FBXW2: variants seen among roughly 807,000 people sequenced by gnomAD.
The protein encoded by FBXW2 is F-box/WD repeat-containing protein 2.
In FBXW2, 12 loss-of-function variants were observed where a neutral mutation model predicts 46.0. That is an observed-to-expected ratio of 0.26 (90% CI 0.17 to 0.42). FBXW2 has a LOEUF of 0.42. Ranked by LOEUF, FBXW2 falls within the 10% of genes least tolerant of loss-of-function variation. The pLI is 1.00. For synonymous variants in FBXW2, 203 were observed against 209.6 expected (o/e 0.97, Z 0.27); for missense variants, 360 against 537.0 (o/e 0.67, Z 3.26).
chr9:120,776,308 C>T, intron 4 of FBXW2, 82 bp from the exon 5 acceptor site: 3 of 1,464,016 alleles, frequency 2.0e-6, no homozygotes, highest in South Asian at 1.3e-5. Context: ...GTTTATTTTC[C>T]CCAATTATAT....
intron 7 of FBXW2, among the ~76,000 whole-genome samples, chr9:120,768,829 CATAAA>C (rs1342866843): frequency 3.3e-5 from 5 of 150,820 alleles, no homozygotes; most frequent in African/African-American, 9.8e-5. Context: ...CTCAAAAAAA[CATAAA>C]ATAAAAACGA....
chr9:120,763,680 T>TA lies in FBXW2; in HGVS notation c.*878dup, dbSNP rs2044228095. Reference sequence around the variant, plus strand: ...CAGACAAAAATACATGATCAACTTTTACACATTTCAGTAGGTGAAGGACCA... The same window carrying TA: ...CAGACAAAAATACATGATCAACTTTTAACACATTTCAGTAGGTGAAGGACCA... On this transcript the variant is annotated 3_prime_UTR_variant, in exon 8 of 8. Coordinates refer to ENST00000608872, the MANE Select transcript of FBXW2 (RefSeq NM_012164.4). 2 of 152,358 alleles carry TA rather than the reference T, an allele frequency of 1.3e-5. No homozygotes were observed. The highest frequency in any genetic ancestry group is 4.1e-4 in the South Asian group (2 of 4,832). The allele number at this position is 152,358 out of a possible 1,614,324, so 9.4% of individuals were successfully genotyped here.
At chr9:120,776,415 C>T (rs958889014) in intron 4 of FBXW2, 189 bp from the exon 5 acceptor site, 15 of 618,768 alleles carry the variant, frequency 2.4e-5, no homozygotes, top group African/African-American at 3.8e-5. Context: ...GCTTATTATT[C>T]TAAGGTGGAA....
Position 120,758,080 on chromosome 9 carries a change from A to G in FBXW2, c.*6479T>C, listed in dbSNP as rs1309400051. ...AACCAGGTATTCACTTGTATTTTGG[A>G]AAAAACTGAGAATCAAGGATGAAAG... On this transcript the variant is annotated 3_prime_UTR_variant, in exon 8 of 8. Transcript: ENST00000608872. The G allele has an allele frequency of 6.6e-6, 1 of 152,204 alleles. No homozygotes were observed. Among genetic ancestry groups the G allele is most frequent in the Non-Finnish European group, 1.5e-5 (1 of 68,042 alleles). 9.4% of individuals were successfully genotyped at this position (152,204 alleles called of 1,614,324 possible).
chr9:120,787,618 G>A (rs900419153), intron 3 of FBXW2, 151 bp downstream of exon 3: 1 of 664,400 alleles, frequency 1.5e-6, no homozygotes, highest in South Asian at 2.4e-5. Flanking sequence ...AAGAGGATAA[G>A]GGGGGGGAAC....
At chr9:120,767,047 G>A (rs1344144454) in intron 7 of FBXW2, among the ~76,000 whole-genome samples, 1 of 152,200 alleles carries the variant, frequency 6.6e-6, no homozygotes, top group Non-Finnish European at 1.5e-5. Context: ...CAAGGAGTGA[G>A]CAAATCTTTC....
chr9:120,771,354 A>G lies in FBXW2; in HGVS notation c.1070T>C (p.Ile357Thr). 2 of 1,609,302 alleles carry G rather than the reference A, an allele frequency of 1.2e-6. No homozygotes were observed. Among genetic ancestry groups the G allele is most frequent in the Non-Finnish European group, 1.7e-6 (2 of 1,178,332 alleles). The change falls in exon 7 of 8, where the codon ATT becomes ACT. Residue 357 changes from isoleucine (I) to threonine (T), a missense_variant. Physicochemically the swap from Ile to Thr is moderately conservative, Grantham distance 89 (BLOSUM62 -1). Transcript: ENST00000608872. ...LYQWDFASYD[I>T]LRVIKTPEIA... is the part of the protein sequence containing the mutation. ...AGGTCGAAGGAAACATTACCTGAGA[A>G]TATCATAACTGGCAAAGTCCCACTG...
rs2044235723 is a variant in FBXW2 at position 120,764,265 on chromosome 9, TACTCC to T, written c.*289_*293del. ...TTTAACTTTCTTTACTTAAAACCAA[TACTCC>T]ACTCAAGAAAGATGAACCCAAAATG... On this transcript the variant is annotated 3_prime_UTR_variant, in exon 8 of 8. Transcript: ENST00000608872. 2.4e-6 allele frequency: 1 copy of T among 416,638 alleles called. No individual in the cohort carries two copies. The highest frequency in any genetic ancestry group is 4.2e-6 in the Non-Finnish European group (1 of 236,156). 25.8% of individuals were successfully genotyped at this position (416,638 alleles called of 1,614,324 possible).
At position 120,764,719 on chromosome 9, in the gene FBXW2, G is replaced by A; in HGVS notation, c.1205C>T (p.Pro402Leu). ...CTTTGATTTCCTGTACTCTGGCAGAGGCCAGCGACTAATCAGGCTCTCTGT... is the reference window on the plus strand; with the variant it reads ...CTTTGATTTCCTGTACTCTGGCAGAAGCCAGCGACTAATCAGGCTCTCTGT... ...LRTESLISRWPLPEYRKSKRG... is the reference protein window; with the variant it reads ...LRTESLISRWLLPEYRKSKRG... Residue 402 changes from proline to leucine, a missense_variant, in exon 8 of 8, where the codon CCT becomes CTT. By Grantham distance (98) the Pro-to-Leu change is moderately conservative. Transcript: ENST00000608872. 6.2e-7 allele frequency: 1 copy of A among 1,614,224 alleles called. No homozygotes were observed.
At chr9:120,765,104 T>C (rs1262465206) in intron 7 of FBXW2, among the ~76,000 whole-genome samples, 1 of 151,822 alleles carries the variant, frequency 6.6e-6, no homozygotes, top group Non-Finnish European at 1.5e-5. Flanking sequence ...AGTTTTTTTT[T>C]TTTTTTTTGA....
chr9:120,789,232 C>A, intron 2 of FBXW2, among the ~76,000 whole-genome samples: 1 of 152,204 alleles, frequency 6.6e-6, no homozygotes, highest in East Asian at 1.9e-4. Context: ...GATCAGGTAC[C>A]AAGCTCTCTC....
At chr9:120,769,998 T>G (rs1275262357) in intron 7 of FBXW2, among the ~76,000 whole-genome samples, 2 of 151,522 alleles carry the variant, frequency 1.3e-5, no homozygotes, top group Non-Finnish European at 2.9e-5. Context: ...GTTGTAACTT[T>G]GTGATCAGAG....
intron 2 of FBXW2, chr9:120,792,853 T>C: frequency 6.8e-7 from 1 of 1,462,682 alleles, no homozygotes; most frequent in Non-Finnish European, 9.1e-7. Flanking sequence ...ATTGTTATCT[T>C]TGCTTTACTT....
chr9:120,782,211 G>A (rs2131351140), intron 3 of FBXW2, among the ~76,000 whole-genome samples: 1 of 152,120 alleles, frequency 6.6e-6, no homozygotes, highest in South Asian at 2.1e-4. Flanking sequence ...GCTCATGCCT[G>A]TAATCCCAGA....
At position 120,787,759 on chromosome 9, in the gene FBXW2, C is replaced by T. The variant is rs111359549; in HGVS notation, c.490+10G>A. 26 of 1,589,746 alleles carry T rather than the reference C, an allele frequency of 1.6e-5. No individual in the cohort carries two copies. The African/African-American group carries it at 2.6e-4, about 16-fold the overall frequency. ...AACAAAACCCAAAAAGCAGTTTCAA[C>T]ATCTCTTACCTGTACAGAGAAGTCC... is the stretch of plus-strand genomic sequence containing the variant. On this transcript the variant is annotated intron_variant, in intron 3 of 7. Coordinates refer to ENST00000608872, the MANE Select transcript of FBXW2 (RefSeq NM_012164.4).
chr9:120,785,181 T>C (rs1266037954), intron 3 of FBXW2, among the ~76,000 whole-genome samples: 2 of 151,964 alleles, frequency 1.3e-5, no homozygotes, highest in African/African-American at 4.8e-5. Context: ...GCTGTTTTTT[T>C]ATTTTTTTGT....
At position 120,761,091 on chromosome 9, in the gene FBXW2, T is replaced by C. The variant is rs2044190578; in HGVS notation, c.*3468A>G. ...CAGAACTTCTTCCAAGTCCAGTCCTTCCACTGGAGGGGCTTTCTTCCTATT... is the reference window on the plus strand; with the variant it reads ...CAGAACTTCTTCCAAGTCCAGTCCTCCCACTGGAGGGGCTTTCTTCCTATT... On this transcript the variant is annotated 3_prime_UTR_variant, in exon 8 of 8. Transcript: ENST00000608872. The C allele has an allele frequency of 6.6e-6, 1 of 152,214 alleles. No homozygotes were observed. Among genetic ancestry groups the C allele is most frequent in the South Asian group, 2.1e-4 (1 of 4,830 alleles). 9.4% of individuals were successfully genotyped at this position (152,214 alleles called of 1,614,324 possible).
intron 6 of FBXW2, 28 bp from the exon 7 acceptor site, chr9:120,771,545 T>C (rs571434907): frequency 1.3e-6 from 2 of 1,592,206 alleles, no homozygotes; most frequent in Non-Finnish European, 1.7e-6. Flanking sequence ...TGAGGAAAGA[T>C]GAGAGATCAC....
At chr9:120,768,809 G>A (rs1350512932) in intron 7 of FBXW2, among the ~76,000 whole-genome samples, 1 of 151,800 alleles carries the variant, frequency 6.6e-6, no homozygotes, top group African/African-American at 2.4e-5. Flanking sequence ...GTGACAGAGT[G>A]AGACTCTGTC....
Sources: allele counts gnomAD v4.1 joint callset (sites outside exome capture counted in the v4.1 genomes callset), GRCh38; gene constraint gnomAD v4.1.1; transcripts MANE v1.5; gene names NCBI Gene and HGNC (gene_info 2026-07-23, HGNC 2026-07-21).